The following BRD10 variants were observed in gnomAD, a reference collection of about 807,000 sequenced individuals.
BRD10 encodes bromodomain containing 10.
At chr9:5,890,820 C>T in the BRD10 span, 2 of 152,056 alleles carry the variant, frequency 1.3e-5, no homozygotes, top group African/African-American at 2.4e-5. Flanking sequence ...AATCTAAACC[C>T]GTGACTATCA....
the BRD10 span, among the ~76,000 whole-genome samples, chr9:5,987,295 A>G: frequency 6.6e-6 from 1 of 152,082 alleles, no homozygotes; most frequent in Non-Finnish European, 1.5e-5. Context: ...TGTTCTCAGG[A>G]CAATCTGATT....
the BRD10 span, chr9:5,898,804 A>C: frequency 6.6e-6 from 1 of 152,168 alleles, no homozygotes; most frequent in African/African-American, 2.4e-5. Flanking sequence ...ACTCTACACT[A>C]AGCATCCCAG....
chr9:6,006,161 G>C, the BRD10 span, among the ~76,000 whole-genome samples: 1 of 152,164 alleles, frequency 6.6e-6, no homozygotes, highest in South Asian at 2.1e-4. Context: ...CATTAAAATG[G>C]CTAACACTTA....
At chr9:5,946,602 C>A in the BRD10 span, among the ~76,000 whole-genome samples, 1 of 151,966 alleles carries the variant, frequency 6.6e-6, no homozygotes, top group Admixed American at 6.6e-5. Context: ...ATTATGATGA[C>A]GGTGTCAAAT....
At chr9:5,960,690 CTTT>C in the BRD10 span, among the ~76,000 whole-genome samples, 1 of 151,952 alleles carries the variant, frequency 6.6e-6, no homozygotes, top group African/African-American at 2.4e-5. Context: ...CGTCTGTAAT[CTTT>C]TTTGTGTTTT....
chr9:5,956,744 T>C, the BRD10 span, among the ~76,000 whole-genome samples: 1 of 152,178 alleles, frequency 6.6e-6, no homozygotes, highest in African/African-American at 2.4e-5. Flanking sequence ...TCCTCTAAAC[T>C]ACCACTCTAC....
the BRD10 span, among the ~76,000 whole-genome samples, chr9:5,907,886 G>A: frequency 1.3e-5 from 2 of 152,220 alleles, no homozygotes; most frequent in African/African-American, 2.4e-5. Context: ...CCGGGAGGTG[G>A]AGGTTGCAGT....
At chr9:5,896,616 T>C in the BRD10 span, among the ~76,000 whole-genome samples, 1 of 152,172 alleles carries the variant, frequency 6.6e-6, no homozygotes, top group Admixed American at 6.5e-5. Context: ...TCTTAGCGAG[T>C]TGACAACCAC....
At chr9:5,955,914 G>A in the BRD10 span, among the ~76,000 whole-genome samples, 1 of 152,080 alleles carries the variant, frequency 6.6e-6, no homozygotes, top group Admixed American at 6.6e-5. Context: ...TTCCTAAACT[G>A]AGTGCCATAA....
chr9:5,969,130 C>T, the BRD10 span: 2 of 1,613,814 alleles, frequency 1.2e-6, no homozygotes, highest in Non-Finnish European at 1.7e-6. Context: ...CTTCCCAGGT[C>T]CTATAAGGCA....
the BRD10 span, chr9:5,920,289 C>G: frequency 2.5e-6 from 4 of 1,613,934 alleles, no homozygotes; most frequent in Non-Finnish European, 3.4e-6. Flanking sequence ...GCTCCAAGAC[C>G]TTGTGGTGGA....
chr9:5,954,926 A>G, the BRD10 span, among the ~76,000 whole-genome samples: 2 of 152,032 alleles, frequency 1.3e-5, no homozygotes, highest in East Asian at 3.9e-4. Flanking sequence ...CGTCTCTACT[A>G]AAAATACAAA....
the BRD10 span, among the ~76,000 whole-genome samples, chr9:5,881,104 C>T: frequency 6.6e-6 from 1 of 152,176 alleles, no homozygotes; most frequent in Non-Finnish European, 1.5e-5. Flanking sequence ...TTCCTTTACA[C>T]ACTTCACACA....
the BRD10 span, among the ~76,000 whole-genome samples, chr9:5,970,862 GC>G: frequency 1.3e-5 from 2 of 151,926 alleles, no homozygotes; most frequent in Non-Finnish European, 2.9e-5. Context: ...GACCAGCCAG[GC>G]CAACGTGGTA....
chr9:5,961,647 A>C, the BRD10 span, among the ~76,000 whole-genome samples: 1 of 152,212 alleles, frequency 6.6e-6, no homozygotes, highest in Non-Finnish European at 1.5e-5. Flanking sequence ...CATAGGATCA[A>C]GCATGAGATA....
At chr9:5,942,774 A>C in the BRD10 span, among the ~76,000 whole-genome samples, 2 of 152,264 alleles carry the variant, frequency 1.3e-5, no homozygotes, top group Non-Finnish European at 2.9e-5. Context: ...ACAAGTTAAA[A>C]GTTTAGAGAT....
chr9:5,905,414 G>T, the BRD10 span, among the ~76,000 whole-genome samples: 1 of 152,148 alleles, frequency 6.6e-6, no homozygotes, highest in Non-Finnish European at 1.5e-5. Context: ...GAGATTACAG[G>T]ACTGACAGAA....
At chr9:5,919,767 C>T in the BRD10 span, 1 of 1,613,616 alleles carries the variant, frequency 6.2e-7, no homozygotes, top group Non-Finnish European at 8.5e-7. Flanking sequence ...CTGGCAGATA[C>T]AACAATCTGA....
the BRD10 span, among the ~76,000 whole-genome samples, chr9:5,993,505 T>C: frequency 1.3e-5 from 2 of 151,622 alleles, no homozygotes; most frequent in Admixed American, 6.6e-5. Flanking sequence ...TGAGAGAAAA[T>C]AGGAAGGGAT....
Sources: gnomAD v4.1 joint callset for allele counts (sites outside exome capture counted in the v4.1 genomes callset) on GRCh38, gnomAD v4.1.1 for gene constraint, MANE v1.5 for transcripts, NCBI Gene and HGNC (gene_info 2026-07-23, HGNC 2026-07-21) for gene names.